SCN9A: variants seen among roughly 807,000 people sequenced by gnomAD.
SCN9A encodes sodium voltage-gated channel alpha subunit 9.
Under a neutral mutation model 187.0 loss-of-function variants are expected in SCN9A, and 131 were observed. That is an observed-to-expected ratio of 0.70 (90% CI 0.61 to 0.81). SCN9A has a LOEUF of 0.81. SCN9A is among the 30% of genes least tolerant of loss of function. The probability of loss-of-function intolerance (pLI) is 0.00; values close to 1 mark genes in which losing one functional copy is unlikely to be tolerated. For missense variants in SCN9A, 2,252 were observed against 2,396.6 expected (o/e 0.94, Z 1.26); for synonymous variants, 809 against 808.6 (o/e 1.00, Z -0.01).
chr2:166,208,838 C>A (rs556543863), intron 24 of SCN9A, among the ~76,000 whole-genome samples: 1 of 152,322 alleles, frequency 6.6e-6, no homozygotes, highest in Admixed American at 6.5e-5. Flanking sequence ...ACAGGCATTT[C>A]AATCATAACT....
intron 1 of SCN9A, among the ~76,000 whole-genome samples, chr2:166,360,590 A>G (rs1700260280): frequency 6.6e-6 from 1 of 152,240 alleles, no homozygotes; most frequent in Non-Finnish European, 1.5e-5. Context: ...GAAAGTGCAT[A>G]GTAATAACTT....
intron 1 of SCN9A, among the ~76,000 whole-genome samples, chr2:166,312,838 T>C (rs1699002234): frequency 6.6e-6 from 1 of 151,050 alleles, no homozygotes; most frequent in African/African-American, 2.4e-5. Flanking sequence ...TCCTGAGCTA[T>C]AAGTATCAAC....
intron 8 of SCN9A, 92 bp from the exon 9 acceptor site, chr2:166,293,464 T>C: frequency 9.2e-7 from 1 of 1,086,654 alleles, no homozygotes; most frequent in Non-Finnish European, 1.3e-6. Context: ...AGGTTTCTTC[T>C]ATAGGGGGAC....
intron 19 of SCN9A, among the ~76,000 whole-genome samples, chr2:166,240,654 A>C (rs1695525612): frequency 6.6e-6 from 1 of 152,168 alleles, no homozygotes; most frequent in Non-Finnish European, 1.5e-5. Context: ...ACTCCAGGTA[A>C]GGAAAATAGA....
At chr2:166,311,865 A>AT (rs1698974310) in intron 1 of SCN9A, 59 bp from the exon 2 acceptor site, 1 of 1,017,174 alleles carries the variant, frequency 9.8e-7, no homozygotes, top group East Asian at 2.5e-5. Context: ...AGGCCCATTA[A>AT]AAACTAATAA....
At chr2:166,325,592 A>G (rs1210619345) in intron 1 of SCN9A, among the ~76,000 whole-genome samples, 2 of 152,172 alleles carry the variant, frequency 1.3e-5, no homozygotes, top group Admixed American at 1.3e-4. Context: ...TAGAATAAGT[A>G]CAATTTAACT....
At position 166,307,014 on chromosome 2, in the gene SCN9A, A is replaced by T. The variant is rs1365749527; in HGVS notation, c.319T>A (p.Tyr107Asn). 6.2e-7 allele frequency: 1 copy of T among 1,612,152 alleles called. No homozygotes were observed. Among genetic ancestry groups the T allele is most frequent in the South Asian group, 1.1e-5 (1 of 90,978 alleles). ...IFRFNATPAL[Y>N]MLSPFSPLRR... ...AGAGGACTGAAAGGAGAAAGCATAT[A>T]TAAAGCAGGTGTGGCATTGAAACGG... The change falls in exon 3 of 27, where the codon TAT becomes AAT. Residue 107 changes from tyrosine to asparagine, a missense_variant. Transcript: ENST00000642356.
Position 166,231,548 on chromosome 2 carries a change from CT to C in SCN9A, c.3924+1791del, listed in dbSNP as rs57067738. Among the ~76,000 whole-genome samples, 162 of 99,064 alleles carry C rather than the reference CT, an allele frequency of 1.6e-3. 1 individual carries two copies. The highest frequency in any genetic ancestry group is 5.3e-3 in the African/African-American group (131 of 24,584). 65.0% of individuals were successfully genotyped at this position (99,064 alleles called of 152,430 possible). A position where few individuals can be genotyped will look rare whatever the true frequency, so the allele number is the denominator to read the frequency against. On this transcript the variant is annotated intron_variant, in intron 21 of 26. Coordinates refer to ENST00000642356, the MANE Select transcript of SCN9A (RefSeq NM_001365536.1). ...GTCTGGGGTGAGATCCAAGAATTTG[CT>C]TTTTTTTTTTTTTTTTTTTTGATAC...
intron 1 of SCN9A, among the ~76,000 whole-genome samples, chr2:166,330,745 C>T (rs1007427671): frequency 1.3e-5 from 2 of 152,240 alleles, no homozygotes; most frequent in East Asian, 1.9e-4. Context: ...CTCGTATGTG[C>T]AGTTCACAAT....
intron 1 of SCN9A, among the ~76,000 whole-genome samples, chr2:166,332,750 T>G (rs939714381): frequency 1.3e-5 from 2 of 152,018 alleles, no homozygotes; most frequent in African/African-American, 2.4e-5. Flanking sequence ...ACTTTAAATA[T>G]ACACACTGCT....
At chr2:166,340,878 C>A (rs1413301025) in intron 1 of SCN9A, among the ~76,000 whole-genome samples, 1 of 152,092 alleles carries the variant, frequency 6.6e-6, no homozygotes, top group African/African-American at 2.4e-5. Flanking sequence ...CCACCTCAGC[C>A]TCCCAAAGTG....
intron 2 of SCN9A, among the ~76,000 whole-genome samples, chr2:166,308,739 G>C (rs1163200070): frequency 1.3e-5 from 2 of 151,810 alleles, no homozygotes; most frequent in Admixed American, 6.6e-5. Context: ...TGGCTAACAC[G>C]GTGAATCCCC....
intron 17 of SCN9A, among the ~76,000 whole-genome samples, chr2:166,262,412 T>C (rs1019969294): frequency 5.9e-5 from 9 of 151,930 alleles, no homozygotes; most frequent in Admixed American, 4.6e-4. Flanking sequence ...AAGAAACAAA[T>C]TTAAACACCT....
chr2:166,375,302 C>A lies in SCN9A; in HGVS notation c.-51+395G>T, dbSNP rs141453198. Among the ~76,000 whole-genome samples, 488 of 152,282 alleles carry A rather than the reference C, an allele frequency of 3.2e-3. 5 individuals carry two copies. Among genetic ancestry groups the A allele is most frequent in the African/African-American group, 0.011 (466 of 41,558 alleles). On this transcript the variant is annotated intron_variant, in intron 1 of 26. Coordinates refer to ENST00000642356, the MANE Select transcript of SCN9A (RefSeq NM_001365536.1). ...TTGCAGATGGGAAATACAGCACATG[C>A]TTTTTGCTCGTAAAAAATGTGAGCT... is the stretch of plus-strand genomic sequence containing the variant.
chr2:166,308,506 T>G (rs1698831253), intron 2 of SCN9A, among the ~76,000 whole-genome samples: 1 of 152,156 alleles, frequency 6.6e-6, no homozygotes, highest in Non-Finnish European at 1.5e-5. Flanking sequence ...TGCTTCCCCT[T>G]TGCCTTCGAC....
At chr2:166,362,810 C>G (rs144066296) in intron 1 of SCN9A, among the ~76,000 whole-genome samples, 2 of 151,914 alleles carry the variant, frequency 1.3e-5, no homozygotes, top group Non-Finnish European at 2.9e-5. Flanking sequence ...TAGGCAAAAA[C>G]GGTTCACAAC....
chr2:166,286,804 T>G (rs1338570328), intron 10 of SCN9A, among the ~76,000 whole-genome samples, 181 bp from the exon 11 acceptor site: 1 of 152,200 alleles, frequency 6.6e-6, no homozygotes, highest in Non-Finnish European at 1.5e-5. Context: ...ATATTTGGTT[T>G]TTGTCTCAGG....
At chr2:166,284,318 A>G in intron 12 of SCN9A, 135 bp downstream of exon 12, 11 of 1,000,730 alleles carry the variant, frequency 1.1e-5, no homozygotes, top group Non-Finnish European at 1.5e-5. Flanking sequence ...TAATGAATCA[A>G]AGGTGTGTTC....
chr2:166,235,665 T>G (rs1695284252), intron 20 of SCN9A, among the ~76,000 whole-genome samples: 1 of 150,962 alleles, frequency 6.6e-6, no homozygotes, highest in Non-Finnish European at 1.5e-5. Flanking sequence ...TAGATAAGTT[T>G]CTATACTTTT....
Sources: allele counts gnomAD v4.1 joint callset (sites outside exome capture counted in the v4.1 genomes callset), GRCh38; gene constraint gnomAD v4.1.1; transcripts MANE v1.5; gene names NCBI Gene and HGNC (gene_info 2026-07-23, HGNC 2026-07-21).